The following CLN5 variants were observed in gnomAD, a reference collection of about 807,000 sequenced individuals.
CLN5 encodes CLN5 lysosomal BMP synthase, also known as bis(monoacylglycero)phosphate synthase CLN5.
Under a neutral mutation model 36.7 loss-of-function variants are expected in CLN5, and 34 were observed. That is an observed-to-expected ratio of 0.93 (90% CI 0.71 to 1.23). The LOEUF (loss-of-function observed/expected upper bound fraction) is 1.23. Among genes scored for constraint, CLN5 ranks in the 50% most tolerant of loss-of-function variants. The pLI, the probability that CLN5 is intolerant of heterozygous loss-of-function variation, is 0.00. For synonymous variants in CLN5, 151 were observed against 155.1 expected, an observed-to-expected ratio of 0.97 and a Z score of 0.20; for missense variants, 427 against 439.4, an observed-to-expected ratio of 0.97 and a Z score of 0.25.
At position 76,992,207 on chromosome 13, in the gene CLN5, G is replaced by GTGGATCCGGGC. The variant is rs1555273604; in HGVS notation, c.112_113insATCCGGGCTGG (p.Val38AspfsTer80). ...GGCCCTGGCGCTGCTTTGGCTCGCGGTGGTTCCGGGCTGGTCCCGGGTCTC... is the reference window on the plus strand; with the variant it reads ...GGCCCTGGCGCTGCTTTGGCTCGCGGTGGATCCGGGCTGGTTCCGGGCTGGTCCCGGGTCTC... On this transcript the variant is annotated frameshift_variant, in exon 1 of 4. Transcript: ENST00000377453. LOFTEE classifies it high-confidence loss of function. 2 of 1,602,494 alleles carry GTGGATCCGGGC rather than the reference G, an allele frequency of 1.2e-6. No individual in the cohort carries two copies. Among genetic ancestry groups the GTGGATCCGGGC allele is most frequent in the African/African-American group, 2.7e-5 (2 of 74,738 alleles).
At chr13:76,996,628 T>C (rs1005338640) in intron 3 of CLN5, 1 of 174,400 alleles carries the variant, frequency 5.7e-6, no homozygotes, top group Non-Finnish European at 1.2e-5. Flanking sequence ...TGCCATTATT[T>C]CATTCCTTTT....
At chr13:77,000,213 T>TA (rs972774933) in intron 3 of CLN5, 17 of 281,280 alleles carry the variant, frequency 6.0e-5, no homozygotes, top group Middle Eastern at 1.0e-3. Flanking sequence ...GGTCTCAAAT[T>TA]AAAAAAAAGA....
At position 77,000,919 on chromosome 13, in the gene CLN5, T is replaced by G; in HGVS notation, c.1027T>G (p.Tyr343Asp). 1 of 1,596,412 alleles carries G rather than the reference T, an allele frequency of 6.3e-7. No homozygotes were observed. Among genetic ancestry groups the G allele is most frequent in the Non-Finnish European group, 8.5e-7 (1 of 1,172,644 alleles). Residue 343 changes from tyrosine to aspartate, a missense_variant, in exon 4 of 4, where the codon TAT becomes GAT. Coordinates refer to ENST00000377453, the MANE Select transcript of CLN5 (RefSeq NM_006493.4). ...GAAATTCCCTTTTATTAAAATAACATATGAAGAAATCCCTTTACCTATCAG... is the reference window on the plus strand; with the variant it reads ...GAAATTCCCTTTTATTAAAATAACAGATGAAGAAATCCCTTTACCTATCAG... The part of the protein sequence containing the change: ...PMKFPFIKIT[Y>D]EEIPLPIRNK...
At chr13:76,996,258 C>CA in intron 3 of CLN5, 131 bp downstream of exon 3, 1 of 795,282 alleles carries the variant, frequency 1.3e-6, no homozygotes, top group East Asian at 2.6e-5. Context: ...CTTTTGGAAC[C>CA]ATTAAACTTT....
In CLN5 at chr13:77,001,126, T is replaced by C; in HGVS notation, c.*157T>C. ...CTGCATATTAACATCTCAGGACTCT[T>C]CTCTTGTAAAGAAGCTGAAATTCGT... is the stretch of plus-strand genomic sequence containing the variant. On this transcript the variant is annotated 3_prime_UTR_variant, in exon 4 of 4. Transcript: ENST00000377453. 2 of 625,212 alleles carry C rather than the reference T, an allele frequency of 3.2e-6. No individual in the cohort carries two copies. Among genetic ancestry groups the C allele is most frequent in the Non-Finnish European group, 5.4e-6 (2 of 372,812 alleles). 38.7% of individuals were successfully genotyped at this position (625,212 alleles called of 1,614,324 possible).
At chr13:76,995,771 A>T (rs2034254295) in intron 2 of CLN5, 131 bp from the exon 3 acceptor site, 5 of 763,426 alleles carry the variant, frequency 6.5e-6, no homozygotes. Context: ...TGACAGTAGC[A>T]GCATGGAAGA....
chr13:76,999,908 A>G (rs574635307), intron 3 of CLN5: 1 of 152,298 alleles, frequency 6.6e-6, no homozygotes, highest in South Asian at 2.1e-4. Context: ...TACACCTATT[A>G]TATCTAATGT....
intron 1 of CLN5, 175 bp from the exon 2 acceptor site, chr13:76,994,888 C>T (rs2154034604): frequency 1.7e-6 from 1 of 589,780 alleles, no homozygotes; most frequent in Non-Finnish European, 2.9e-6. Flanking sequence ...TTATCATTTG[C>T]TATTAAAAAC....
chr13:76,998,842 A>G (rs1312171516), intron 3 of CLN5: 2 of 152,226 alleles, frequency 1.3e-5, no homozygotes, highest in Non-Finnish European at 2.9e-5. Flanking sequence ...CCAACAATAC[A>G]AAAGTCCATC....
rs1472795901 is a variant in CLN5 at position 76,996,335 on chromosome 13, GGTTAT to G, written c.565+213_565+217del. 28 of 546,558 alleles carry G rather than the reference GGTTAT, an allele frequency of 5.1e-5. 1 individual carries two copies. The highest frequency in any genetic ancestry group is 1.3e-4 in the South Asian group (6 of 47,452). The allele number at this position is 546,558 out of a possible 1,614,324, so 33.9% of individuals were successfully genotyped here. A position where few individuals can be genotyped will look rare whatever the true frequency, so the allele number is the denominator to read the frequency against. On this transcript the variant is annotated intron_variant, in intron 3 of 3. Coordinates refer to ENST00000377453, the MANE Select transcript of CLN5 (RefSeq NM_006493.4). ...TATTTGAATAGGTTTGTGGGGAACT[GGTTAT>G]GTTAAGTTACATGAATAAGTTCTTT...
In CLN5 at chr13:76,992,247, GGCGCCACT is replaced by G; in HGVS notation, c.151_158del (p.Arg51AlafsTer8). 1 of 1,583,374 alleles carries G rather than the reference GGCGCCACT, an allele frequency of 6.3e-7. No individual in the cohort carries two copies. The highest frequency in any genetic ancestry group is 8.5e-7 in the Non-Finnish European group (1 of 1,170,926). On this transcript the variant is annotated frameshift_variant, in exon 1 of 4. Coordinates refer to ENST00000377453, the MANE Select transcript of CLN5 (RefSeq NM_006493.4). LOFTEE classifies it high-confidence loss of function. ...TCCCGGGTCTCGGGCATCCCCTCCC[GGCGCCACT>G]GGCCGGTGCCCTACAAGTGAGTGCG...
rs2034378951 is a variant in CLN5, at chr13:77,002,381, C to T, written c.*1412C>T. Reference sequence around the variant, plus strand: ...AGGCTTTTAGCACCGAAGTGTGGTCCTCAGACCAGTGCCTGCCAACCAGAT... The same window carrying T: ...AGGCTTTTAGCACCGAAGTGTGGTCTTCAGACCAGTGCCTGCCAACCAGAT... On this transcript the variant is annotated 3_prime_UTR_variant, in exon 4 of 4. Coordinates refer to ENST00000377453, the MANE Select transcript of CLN5 (RefSeq NM_006493.4). The T allele has an allele frequency of 1.3e-5, 2 of 152,210 alleles. No individual in the cohort carries two copies. The highest frequency in any genetic ancestry group is 1.3e-4 in the Admixed American group (2 of 15,282). 9.4% of individuals were successfully genotyped at this position (152,210 alleles called of 1,614,324 possible).
chr13:76,999,197 A>C (rs2034317532), intron 3 of CLN5: 1 of 152,212 alleles, frequency 6.6e-6, no homozygotes, highest in Admixed American at 6.5e-5. Flanking sequence ...AAAATTGATA[A>C]AGGCAGTCAC....
chr13:77,001,563 TGGA>T lies in CLN5; in HGVS notation c.*595_*597del, dbSNP rs2034363695. ...TAACACATATTTCTGGCTGAGATTT[TGGA>T]ACTAGCTAGTAACTGGCTTGTGTTC... On this transcript the variant is annotated 3_prime_UTR_variant, in exon 4 of 4. Coordinates refer to ENST00000377453, the MANE Select transcript of CLN5 (RefSeq NM_006493.4). The T allele has an allele frequency of 6.6e-6, 1 of 152,382 alleles. No individual in the cohort carries two copies. Among genetic ancestry groups the T allele is most frequent in the Admixed American group, 6.5e-5 (1 of 15,290 alleles). 9.4% of individuals were successfully genotyped at this position (152,382 alleles called of 1,614,324 possible).
At chr13:76,997,773 C>G (rs1213630423) in intron 3 of CLN5, 2 of 152,138 alleles carry the variant, frequency 1.3e-5, no homozygotes, top group East Asian at 3.8e-4. Context: ...ATGCTCTTTT[C>G]CCATCATAAA....
rs1474102580 is a variant in CLN5, at chr13:77,002,951, A to AG, written c.*1984dup. On this transcript the variant is annotated 3_prime_UTR_variant, in exon 4 of 4. Transcript: ENST00000377453. ...CTTGGTTATGCAGGGAAAACAAATG[A>AG]GGATATCTGTACCTGGAACTTTTAA... 1 of 152,244 alleles carries AG rather than the reference A, an allele frequency of 6.6e-6. No individual in the cohort carries two copies. The highest frequency in any genetic ancestry group is 2.4e-5 in the African/African-American group (1 of 41,460). 9.4% of individuals were successfully genotyped at this position (152,244 alleles called of 1,614,324 possible). A position where few individuals can be genotyped will look rare whatever the true frequency, so the allele number is the denominator to read the frequency against.
chr13:76,994,818 A>G, intron 1 of CLN5: 1 of 408,254 alleles, frequency 2.4e-6, no homozygotes, highest in Non-Finnish European at 4.4e-6. Context: ...TCCTGTCTTC[A>G]AAATTTTCAC....
In CLN5 at chr13:76,995,801, A is replaced by G. The variant is rs1458294012; in HGVS notation, c.340-101A>G. ...GGAAGAACAGCTGAACAGTTGTTCT[A>G]CTTGATATGCATTTGTGATGTGCCA... On this transcript the variant is annotated intron_variant, in intron 2 of 3. Coordinates refer to ENST00000377453, the MANE Select transcript of CLN5 (RefSeq NM_006493.4). 4.7e-6 allele frequency: 4 copies of G among 853,962 alleles called. No individual in the cohort carries two copies. The East Asian group carries it at 7.4e-5, about 16-fold the overall frequency. 52.9% of individuals were successfully genotyped at this position (853,962 alleles called of 1,614,324 possible). A position where few individuals can be genotyped will look rare whatever the true frequency, so the allele number is the denominator to read the frequency against.
intron 3 of CLN5, 173 bp from the exon 4 acceptor site, chr13:77,000,285 C>T (rs1055774310): frequency 1.1e-5 from 6 of 544,324 alleles, no homozygotes; most frequent in South Asian, 5.9e-5. Context: ...CTCAGGAGGC[C>T]GAGGTGGGAG....
Sources: gnomAD v4.1 joint callset for allele counts on GRCh38, gnomAD v4.1.1 for gene constraint, MANE v1.5 for transcripts, NCBI Gene and HGNC (gene_info 2026-07-23, HGNC 2026-07-21) for gene names.